The following EVL variants were observed in gnomAD, a reference collection of about 807,000 sequenced individuals.
The protein encoded by EVL is ena/VASP-like protein.
In EVL, 21 loss-of-function variants were observed where a neutral mutation model predicts 59.6. That is an observed-to-expected ratio of 0.35 (90% CI 0.25 to 0.51). The LOEUF is 0.51. EVL is among the 20% of genes least tolerant of loss of function. The probability of loss-of-function intolerance (pLI) is 0.97; values close to 1 mark genes in which losing one functional copy is unlikely to be tolerated. For missense variants in EVL, 462 were observed against 546.6 expected (o/e 0.85, Z 1.54); for synonymous variants, 198 against 203.5 (o/e 0.97, Z 0.23).
At chr14:100,120,555 G>T (rs1887631441) in intron 3 of EVL, among the ~76,000 whole-genome samples, 1 of 152,190 alleles carries the variant, frequency 6.6e-6, no homozygotes, top group Non-Finnish European at 1.5e-5. Flanking sequence ...CCACTGAGCT[G>T]GGCCTGGAAG....
At chr14:100,018,257 G>A (rs530611070) in intron 1 of EVL, among the ~76,000 whole-genome samples, 40 of 152,346 alleles carry the variant, frequency 2.6e-4, no homozygotes, top group Admixed American at 3.9e-4. Context: ...GGAGCAGCAC[G>A]TGGGCAGCGG....
intron 1 of EVL, among the ~76,000 whole-genome samples, chr14:100,006,749 A>G (rs776698268): frequency 2.0e-5 from 3 of 151,212 alleles, no homozygotes; most frequent in Non-Finnish European, 4.4e-5. Flanking sequence ...AAAGGAGTTC[A>G]TGCCTTCCAT....
chr14:100,072,728 T>C (rs1488903071), intron 1 of EVL, among the ~76,000 whole-genome samples: 1 of 152,208 alleles, frequency 6.6e-6, no homozygotes, highest in Non-Finnish European at 1.5e-5. Flanking sequence ...ATGTTAACCA[T>C]GGGCAGGTTT....
intron 4 of EVL, among the ~76,000 whole-genome samples, chr14:100,126,271 C>T (rs1341467317): frequency 6.6e-6 from 1 of 152,214 alleles, no homozygotes; most frequent in Non-Finnish European, 1.5e-5. Flanking sequence ...GGAGTGTGGC[C>T]TTTGTGTCCA....
At chr14:100,067,350 C>G (rs2140272962) in intron 1 of EVL, among the ~76,000 whole-genome samples, 1 of 152,336 alleles carries the variant, frequency 6.6e-6, no homozygotes, top group East Asian at 1.9e-4. Flanking sequence ...TGGCTACCCA[C>G]CAATCAAGAA....
chr14:100,073,472 C>A (rs1284431344), intron 1 of EVL, among the ~76,000 whole-genome samples: 2 of 151,948 alleles, frequency 1.3e-5, no homozygotes, highest in Non-Finnish European at 2.9e-5. Flanking sequence ...CAGGCACCCA[C>A]CACCATGCGT....
chr14:100,087,394 A>G (rs1332596477), intron 2 of EVL, among the ~76,000 whole-genome samples: 1 of 152,194 alleles, frequency 6.6e-6, no homozygotes, highest in East Asian at 1.9e-4. Context: ...CAGGTGGATC[A>G]CTTGAGCCCA....
intron 1 of EVL, among the ~76,000 whole-genome samples, chr14:100,020,630 C>T (rs2061107039): frequency 6.6e-6 from 1 of 152,066 alleles, no homozygotes; most frequent in Non-Finnish European, 1.5e-5. Context: ...TTTTTTATTC[C>T]TCCAAATGTT....
chr14:100,105,676 A>G (rs1886516741), intron 3 of EVL, among the ~76,000 whole-genome samples: 1 of 151,758 alleles, frequency 6.6e-6, no homozygotes, highest in Non-Finnish European at 1.5e-5. Flanking sequence ...TCGTCTGTGA[A>G]ATGTAGGTGG....
chr14:99,996,119 A>G (rs2060911868), intron 1 of EVL, among the ~76,000 whole-genome samples: 1 of 149,972 alleles, frequency 6.7e-6, no homozygotes. Context: ...TGTGTGCTCT[A>G]CTTTTATCTT....
intron 4 of EVL, 139 bp downstream of exon 4, chr14:100,123,741 G>A: frequency 2.5e-6 from 2 of 787,996 alleles, no homozygotes; most frequent in Non-Finnish European, 4.1e-6. Flanking sequence ...GGTGCAAGGT[G>A]CAAGCCAGAC....
chr14:99,974,908 A>G (rs2060759485), intron 1 of EVL: 2 of 152,396 alleles, frequency 1.3e-5, no homozygotes, highest in Non-Finnish European at 2.9e-5. Context: ...CCCCAGGAAA[A>G]AGTCGATGAT....
intron 1 of EVL, among the ~76,000 whole-genome samples, chr14:100,028,379 T>C (rs971732699): frequency 6.6e-6 from 1 of 152,228 alleles, no homozygotes; most frequent in African/African-American, 2.4e-5. Context: ...TATATGTCTT[T>C]TGAGAAATGT....
At chr14:100,050,499 G>A (rs932727207) in intron 1 of EVL, among the ~76,000 whole-genome samples, 4 of 151,610 alleles carry the variant, frequency 2.6e-5, no homozygotes, top group African/African-American at 4.8e-5. Flanking sequence ...ACAGGTGCCC[G>A]CCATCGCACC....
At chr14:100,134,965 GT>G (rs1385676086) in intron 8 of EVL, 1 of 152,158 alleles carries the variant, frequency 6.6e-6, no homozygotes, top group Non-Finnish European at 1.5e-5. Context: ...AGCAGGGAGG[GT>G]TTTAAAAAAA....
chr14:100,027,739 A>G (rs1281723074), intron 1 of EVL, among the ~76,000 whole-genome samples: 1 of 151,966 alleles, frequency 6.6e-6, no homozygotes, highest in African/African-American at 2.4e-5. Flanking sequence ...CAGTGGCATG[A>G]TCTCAGCTCA....
At position 100,090,218 on chromosome 14, in the gene EVL, TGAGAAA is replaced by T. The variant is rs771606873; in HGVS notation, c.180+5370_180+5375del. ...TAAATTAATAAACCTTTATTGAGAG[TGAGAAA>T]GAGAAAACACAAATTGCCAATATAA... On this transcript the variant is annotated intron_variant, in intron 2 of 13. Coordinates refer to ENST00000392920, the MANE Select transcript of EVL (RefSeq NM_016337.3). 5.9e-5 allele frequency among the ~76,000 whole-genome samples: 9 copies of T among 151,292 alleles called. No homozygotes were observed. In the South Asian group the frequency reaches 8.4e-4, roughly 14 times the overall value.
chr14:100,123,469 G>A (rs1887827087), intron 3 of EVL, 70 bp from the exon 4 acceptor site: 1 of 1,496,904 alleles, frequency 6.7e-7, no homozygotes, highest in Non-Finnish European at 9.2e-7. Flanking sequence ...GAGATAGAGA[G>A]CACTCCAGTT....
At chr14:99,992,869 A>C (rs1223285874) in intron 1 of EVL, among the ~76,000 whole-genome samples, 1 of 152,016 alleles carries the variant, frequency 6.6e-6, no homozygotes, top group African/African-American at 2.4e-5. Context: ...AGTTTCCTCT[A>C]TTCTGAGTTT....
Sources: allele counts gnomAD v4.1 joint callset (sites outside exome capture counted in the v4.1 genomes callset), GRCh38; gene constraint gnomAD v4.1.1; transcripts MANE v1.5; gene names NCBI Gene and HGNC (gene_info 2026-07-23, HGNC 2026-07-21).